Variants in SBF2 observed in about 807,000 individuals in gnomAD.
The protein encoded by SBF2 is myotubularin-related protein 13.
In SBF2, 112 loss-of-function variants were observed where a neutral mutation model predicts 225.2. The observed-to-expected ratio is 0.50, with a 90% CI of 0.43 to 0.58. SBF2 has a LOEUF of 0.58. SBF2 is among the 20% of genes least tolerant of loss of function. The pLI, the probability that SBF2 is intolerant of heterozygous loss-of-function variation, is 0.00. For synonymous variants in SBF2, 763 were observed against 773.3 expected, an observed-to-expected ratio of 0.99 and a Z score of 0.22; for missense variants, 1,996 against 2,206.2, an observed-to-expected ratio of 0.90 and a Z score of 1.91.
intron 16 of SBF2, among the ~76,000 whole-genome samples, chr11:9,950,038 T>G (rs972208748): frequency 6.6e-6 from 1 of 151,924 alleles, no homozygotes; most frequent in Non-Finnish European, 1.5e-5. Flanking sequence ...GGGAGCATAA[T>G]GCTGATAAAA....
chr11:9,789,491 ACAT>A, intron 34 of SBF2, 149 bp from the exon 35 acceptor site: 1 of 628,936 alleles, frequency 1.6e-6, no homozygotes, highest in Non-Finnish European at 2.8e-6. Context: ...TAAAAATCAT[ACAT>A]CAAGATAAAT....
chr11:10,123,918 G>C (rs1479370726), intron 2 of SBF2, among the ~76,000 whole-genome samples: 1 of 152,052 alleles, frequency 6.6e-6, no homozygotes, highest in Non-Finnish European at 1.5e-5. Context: ...TCAGTATTTT[G>C]CTATTCCAAG....
At chr11:9,921,828 T>C (rs1345137520) in intron 16 of SBF2, among the ~76,000 whole-genome samples, 4 of 152,240 alleles carry the variant, frequency 2.6e-5, no homozygotes, top group African/African-American at 7.2e-5. Flanking sequence ...TTACAAGCTA[T>C]TGCAACTAAC....
At chr11:10,102,910 G>C (rs537257975) in intron 2 of SBF2, among the ~76,000 whole-genome samples, 1 of 152,114 alleles carries the variant, frequency 6.6e-6, no homozygotes, top group Non-Finnish European at 1.5e-5. Flanking sequence ...TTAAAAACTA[G>C]CTTTAGCATT....
At position 9,968,352 on chromosome 11, in the gene SBF2, C is replaced by T. The variant is rs1867102287; in HGVS notation, c.1589G>A (p.Gly530Asp). The change falls in exon 14 of 40, where the codon GGT becomes GAT. Residue 530 changes from glycine to aspartate, a missense_variant. By Grantham distance (94) the Gly-to-Asp change is moderately conservative (BLOSUM62 -1). Transcript: ENST00000256190. ...AGACAAATACATACCAACAGGTGGA[C>T]CTGCTGGCACAACACATTTCTTTTC... ...RIEKKCVVPA[G>D]PPVVSIMDKV... 1.2e-6 allele frequency: 2 copies of T among 1,614,022 alleles called. No homozygotes were observed. The highest frequency in any genetic ancestry group is 1.7e-6 in the Non-Finnish European group (2 of 1,179,956).
At chr11:9,932,434 C>T (rs1019138510) in intron 16 of SBF2, among the ~76,000 whole-genome samples, 3 of 152,110 alleles carry the variant, frequency 2.0e-5, no homozygotes, top group Non-Finnish European at 4.4e-5. Context: ...GTGGATCTCT[C>T]GGCAGAAACC....
intron 15 of SBF2, 85 bp from the exon 16 acceptor site, chr11:9,962,191 G>C: frequency 8.5e-7 from 1 of 1,175,400 alleles, no homozygotes; most frequent in Non-Finnish European, 1.3e-6. Flanking sequence ...AAATTCAAAC[G>C]CATCCTATAA....
intron 10 of SBF2, among the ~76,000 whole-genome samples, chr11:9,993,402 G>A (rs1309755220): frequency 7.0e-6 from 1 of 142,290 alleles, no homozygotes; most frequent in Admixed American, 7.1e-5. Flanking sequence ...TCAGCTCCCT[G>A]AGGTTCCTTA....
chr11:9,951,763 T>C (rs1405901000), intron 16 of SBF2, among the ~76,000 whole-genome samples: 1 of 152,164 alleles, frequency 6.6e-6, no homozygotes, highest in Non-Finnish European at 1.5e-5. Flanking sequence ...AGGACAATTA[T>C]AAGTGCTGAC....
intron 9 of SBF2, among the ~76,000 whole-genome samples, chr11:9,996,483 A>T (rs193087540): frequency 6.6e-6 from 1 of 152,064 alleles, no homozygotes; most frequent in Non-Finnish European, 1.5e-5. Flanking sequence ...TCCGCCTCCC[A>T]GGTTCATGCT....
In SBF2 at chr11:9,787,296, G is replaced by C. The variant is rs114760954; in HGVS notation, c.5037+338C>G. 8.3e-3 allele frequency among the ~76,000 whole-genome samples: 1,260 copies of C among 152,296 alleles called. 14 individuals are homozygous for C. Among genetic ancestry groups the C allele is most frequent in the African/African-American group, 0.029 (1,210 of 41,554 alleles). ...TTGTTGTTTTAAAATACTTTCTGTG[G>C]AGCAAACGTGGTCTTGGCATTCCCC... On this transcript the variant is annotated intron_variant, in intron 36 of 39. Transcript: ENST00000256190.
intron 1 of SBF2, among the ~76,000 whole-genome samples, chr11:10,248,376 C>T (rs1422930875): frequency 6.6e-6 from 1 of 152,138 alleles, no homozygotes; most frequent in Non-Finnish European, 1.5e-5. Flanking sequence ...GGTGATTAGG[C>T]CTCTTAAATG....
chr11:10,173,392 G>T lies in SBF2; in HGVS notation c.141+20510C>A, dbSNP rs1158741426. ...AGTTCCCTTTCCTAGTCAAAGAAAGGGGTGACAGATGGCACCTGGAAAATC... is the reference window on the plus strand; with the variant it reads ...AGTTCCCTTTCCTAGTCAAAGAAAGTGGTGACAGATGGCACCTGGAAAATC... On this transcript the variant is annotated intron_variant, in intron 2 of 39. Coordinates refer to ENST00000256190, the MANE Select transcript of SBF2 (RefSeq NM_030962.4). Among the ~76,000 whole-genome samples, 5 of 152,202 alleles carry T rather than the reference G, an allele frequency of 3.3e-5. 1 individual carries two copies. In the South Asian group the frequency reaches 8.3e-4, roughly 25 times the overall value.
intron 13 of SBF2, among the ~76,000 whole-genome samples, chr11:9,978,219 C>A (rs1038013481): frequency 6.6e-6 from 1 of 152,162 alleles, no homozygotes; most frequent in Non-Finnish European, 1.5e-5. Context: ...ACTTTACTAT[C>A]ATGTTCTGTT....
intron 2 of SBF2, among the ~76,000 whole-genome samples, chr11:10,130,568 T>C (rs1591025580): frequency 6.6e-6 from 1 of 152,268 alleles, no homozygotes; most frequent in East Asian, 1.9e-4. Context: ...ATTGATACAA[T>C]GTGTGTATAG....
At chr11:10,071,011 G>T (rs1055280695) in intron 2 of SBF2, among the ~76,000 whole-genome samples, 1 of 152,134 alleles carries the variant, frequency 6.6e-6, no homozygotes, top group Non-Finnish European at 1.5e-5. Flanking sequence ...CACTGATTTT[G>T]TTTCCTGAGA....
chr11:10,195,743 G>A (rs1177035228), intron 1 of SBF2, among the ~76,000 whole-genome samples: 3 of 152,234 alleles, frequency 2.0e-5, no homozygotes, highest in East Asian at 3.9e-4. Flanking sequence ...ATTCTGAAAC[G>A]AGGTCAAACC....
chr11:10,110,365 G>A (rs1326463333), intron 2 of SBF2, among the ~76,000 whole-genome samples: 1 of 151,816 alleles, frequency 6.6e-6, no homozygotes, highest in African/African-American at 2.4e-5. Flanking sequence ...ATTTTTCTCG[G>A]TATTCAGTAG....
chr11:10,162,072 C>A (rs763745172), intron 2 of SBF2, among the ~76,000 whole-genome samples: 3 of 151,966 alleles, frequency 2.0e-5, no homozygotes, highest in Non-Finnish European at 4.4e-5. Context: ...AGGACGAGAA[C>A]ATGAAGATAA....
Sources: gnomAD v4.1 joint callset for allele counts (sites outside exome capture counted in the v4.1 genomes callset) on GRCh38, gnomAD v4.1.1 for gene constraint, MANE v1.5 for transcripts, NCBI Gene and HGNC (gene_info 2026-07-23, HGNC 2026-07-21) for gene names.